Variants in FAM20C observed in about 807,000 individuals in gnomAD.
FAM20C encodes the protein extracellular serine/threonine protein kinase FAM20C.
In FAM20C, 40 loss-of-function variants were observed where a neutral mutation model predicts 51.5. The observed-to-expected ratio is 0.78, with a 90% CI of 0.60 to 1.01. The LOEUF is 1.01. Ranked by LOEUF, FAM20C falls within the 50% of genes least tolerant of loss-of-function variation. The pLI, the probability that FAM20C is intolerant of heterozygous loss-of-function variation, is 0.00. For missense variants in FAM20C, 861 were observed against 844.7 expected, an observed-to-expected ratio of 1.02 and a Z score of -0.24; for synonymous variants, 406 against 380.6, an observed-to-expected ratio of 1.07 and a Z score of -0.78.
chr7:231,391 G>A (rs1787669996), intron 3 of FAM20C, among the ~76,000 whole-genome samples: 1 of 152,200 alleles, frequency 6.6e-6, no homozygotes, highest in South Asian at 2.1e-4. Flanking sequence ...TCTGTGGGAG[G>A]AGGGTCCCGG....
chr7:236,697 CG>C (rs1787857049), intron 3 of FAM20C, among the ~76,000 whole-genome samples: 137 of 134,250 alleles, frequency 1.0e-3, no homozygotes, highest in Middle Eastern at 3.7e-3. Context: ...GGTTGATGGT[CG>C]GGGTTTCATG....
At chr7:213,227 G>GAC (rs1786811147) in intron 3 of FAM20C, among the ~76,000 whole-genome samples, 1 of 150,526 alleles carries the variant, frequency 6.6e-6, no homozygotes, top group Non-Finnish European at 1.5e-5. Context: ...CTTTGTGAGT[G>GAC]ACATGGAGGG....
At chr7:201,484 G>A (rs958926725) in intron 2 of FAM20C, among the ~76,000 whole-genome samples, 21 of 152,116 alleles carry the variant, frequency 1.4e-4, no homozygotes, top group African/African-American at 3.4e-4. Context: ...AGCACCCTGC[G>A]GGGTGTTGGG....
chr7:259,464 C>CTG (rs1554256646), intron 9 of FAM20C, among the ~76,000 whole-genome samples: 4 of 148,696 alleles, frequency 2.7e-5, no homozygotes, highest in African/African-American at 5.0e-5. Context: ...CTGTCTCTCT[C>CTG]TCTGTCTCGG....
chr7:207,723 G>A (rs1011825900), intron 2 of FAM20C, among the ~76,000 whole-genome samples: 3 of 152,302 alleles, frequency 2.0e-5, no homozygotes, highest in African/African-American at 7.2e-5. Flanking sequence ...ACAATCCCCC[G>A]CGTGGCCCGG....
rs531234917 is a variant in FAM20C, at chr7:227,201, C to T, written c.863+18225C>T. ...TATTTTCTCCAGTTATGACGGTCGC[C>T]GGGGTGCCGCTAGTGTGTGGGCCAT... On this transcript the variant is annotated intron_variant, in intron 3 of 9. Coordinates refer to ENST00000313766, the MANE Select transcript of FAM20C (RefSeq NM_020223.4). Among the ~76,000 whole-genome samples the T allele has an allele frequency of 9.2e-5, 14 of 152,044 alleles. No homozygotes were observed. The South Asian group carries it at 2.3e-3, about 25-fold the overall frequency.
At chr7:256,815 G>A (rs1442371126) in intron 7 of FAM20C, 52 bp downstream of exon 7, 33 of 1,482,932 alleles carry the variant, frequency 2.2e-5, no homozygotes, top group South Asian at 4.8e-5. Flanking sequence ...TGCGTGGAGC[G>A]GATGCACGCA....
chr7:228,340 C>A (rs1047747665), intron 3 of FAM20C: 11 of 394,512 alleles, frequency 2.8e-5, no homozygotes, highest in Non-Finnish European at 5.6e-5. Context: ...TTGGAAATCT[C>A]TAGTCCTTAG....
chr7:214,918 C>T (rs1786888569), intron 3 of FAM20C, among the ~76,000 whole-genome samples: 1 of 152,170 alleles, frequency 6.6e-6, no homozygotes, highest in Non-Finnish European at 1.5e-5. Flanking sequence ...ATTCCACAAA[C>T]TCGGAGTGCC....
intron 2 of FAM20C, among the ~76,000 whole-genome samples, chr7:208,578 G>GTGTGGGGTGTGTGCTGA (rs1330616130): frequency 2.4e-5 from 3 of 124,436 alleles, no homozygotes; most frequent in Non-Finnish European, 5.4e-5. Flanking sequence ...GTACATGGCT[G>GTGTGGGGTGTGTGCTGA]TGTGGGGTGT....
At chr7:246,788 C>T (rs1046171001) in intron 4 of FAM20C, among the ~76,000 whole-genome samples, 2 of 152,126 alleles carry the variant, frequency 1.3e-5, no homozygotes, top group Non-Finnish European at 2.9e-5. Context: ...CCACACAACA[C>T]GCGGTAGGGA....
rs770436412 is a variant in FAM20C at position 230,372 on chromosome 7, T to TC, written c.864-16043_864-16042insC. ...TGCATTTCTTGTCCCCAGGACGGGG[T>TC]GGGGGGGGGGGGGAACAGATCCCCG... On this transcript the variant is annotated intron_variant, in intron 3 of 9. Transcript: ENST00000313766. 9.7e-3 allele frequency among the ~76,000 whole-genome samples: 73 copies of TC among 7,492 alleles called. 8 individuals are homozygous for TC. Among genetic ancestry groups the TC allele is most frequent in the Non-Finnish European group, 0.018 (56 of 3,032 alleles). 4.9% of individuals were successfully genotyped at this position (7,492 alleles called of 152,430 possible).
chr7:246,923 C>T (rs550929605), intron 4 of FAM20C, among the ~76,000 whole-genome samples: 4 of 152,298 alleles, frequency 2.6e-5, no homozygotes, highest in African/African-American at 9.6e-5. Context: ...CTCAGGGCAC[C>T]TTAATCCAGA....
intron 5 of FAM20C, 29 bp from the exon 6 acceptor site, chr7:255,820 C>G (rs1788569246): frequency 6.5e-7 from 1 of 1,535,914 alleles, no homozygotes; most frequent in Non-Finnish European, 8.7e-7. Context: ...CTGTGCGGCC[C>G]TGGTAACCCG....
intron 3 of FAM20C, among the ~76,000 whole-genome samples, chr7:237,369 A>G (rs988145128): frequency 3.9e-5 from 6 of 152,190 alleles, no homozygotes; most frequent in African/African-American, 9.7e-5. Context: ...GCATCACACA[A>G]CGTTGTCACT....
At chr7:194,960 G>T (rs1785778596) in intron 1 of FAM20C, among the ~76,000 whole-genome samples, 1 of 152,190 alleles carries the variant, frequency 6.6e-6, no homozygotes. Context: ...GTGGGCGGCG[G>T]GTCCTCCATG....
intron 2 of FAM20C, among the ~76,000 whole-genome samples, chr7:207,507 A>C (rs1786480516): frequency 6.6e-6 from 1 of 151,612 alleles, no homozygotes; most frequent in South Asian, 2.1e-4. Flanking sequence ...CTCAAATGTT[A>C]GCTCCCTAGG....
chr7:241,556 T>TTGTGTGTGTG (rs1221493976), intron 3 of FAM20C, among the ~76,000 whole-genome samples: 25 of 149,050 alleles, frequency 1.7e-4, no homozygotes, highest in African/African-American at 4.9e-4. Flanking sequence ...TCTGTGGGGG[T>TTGTGTGTGTG]TGTGTGTGTG....
chr7:226,367 G>T (rs1325269844), intron 3 of FAM20C, among the ~76,000 whole-genome samples: 2 of 152,144 alleles, frequency 1.3e-5, no homozygotes, highest in South Asian at 4.1e-4. Flanking sequence ...ACAGATCAAC[G>T]TTAACAGCGT....
Sources: gnomAD v4.1 joint callset for allele counts (sites outside exome capture counted in the v4.1 genomes callset) on GRCh38, gnomAD v4.1.1 for gene constraint, MANE v1.5 for transcripts, NCBI Gene and HGNC (gene_info 2026-07-23, HGNC 2026-07-21) for gene names.